LSM6: variants seen among roughly 807,000 people sequenced by gnomAD.
LSM6 encodes the protein U6 snRNA-associated Sm-like protein LSm6.
In LSM6, 2 loss-of-function variants were observed where a neutral mutation model predicts 13.5. That is an observed-to-expected ratio of 0.15 (90% CI 0.06 to 0.47). The LOEUF is 0.47. Ranked by LOEUF, LSM6 falls within the 20% of genes least tolerant of loss-of-function variation. The pLI is 0.97. For synonymous variants in LSM6, 43 were observed against 34.9 expected (o/e 1.23, Z -0.82); for missense variants, 58 against 96.4 (o/e 0.60, Z 1.67).
At chr4:146,179,552 G>C (rs1048198045) in intron 1 of LSM6, among the ~76,000 whole-genome samples, 3 of 152,158 alleles carry the variant, frequency 2.0e-5, no homozygotes, top group Admixed American at 6.5e-5. Flanking sequence ...AATAACCTTA[G>C]AAGTATTTTT....
At chr4:146,184,229 T>G (rs1730297230) in intron 2 of LSM6, among the ~76,000 whole-genome samples, 1 of 152,170 alleles carries the variant, frequency 6.6e-6, no homozygotes. Flanking sequence ...CTCTTAATAC[T>G]CTCCTATTGC....
At chr4:146,179,155 G>A (rs914042378) in intron 1 of LSM6, among the ~76,000 whole-genome samples, 4 of 152,172 alleles carry the variant, frequency 2.6e-5, no homozygotes, top group African/African-American at 9.7e-5. Flanking sequence ...ACAAGCCTGA[G>A]TAGGAGTCAG....
At chr4:146,179,485 G>A (rs1328779252) in intron 1 of LSM6, among the ~76,000 whole-genome samples, 1 of 152,114 alleles carries the variant, frequency 6.6e-6, no homozygotes, top group Non-Finnish European at 1.5e-5. Context: ...TAAAAGATAC[G>A]GCTTTCCTAA....
chr4:146,180,953 A>G (rs1279273134), intron 1 of LSM6: 1 of 152,206 alleles, frequency 6.6e-6, no homozygotes, highest in Non-Finnish European at 1.5e-5. Context: ...AATCTGTTAC[A>G]GTATTTATTT....
intron 1 of LSM6, among the ~76,000 whole-genome samples, chr4:146,177,168 A>T (rs1383850851): frequency 1.3e-5 from 2 of 152,178 alleles, no homozygotes; most frequent in Non-Finnish European, 2.9e-5. Context: ...AAGTGAAATT[A>T]TGAGTTATCC....
intron 1 of LSM6, among the ~76,000 whole-genome samples, chr4:146,179,782 A>G (rs1730191536): frequency 1.3e-5 from 2 of 152,258 alleles, no homozygotes; most frequent in African/African-American, 4.8e-5. Flanking sequence ...TATGGAAAGT[A>G]GAGAGTGGAA....
chr4:146,187,380 A>C lies in LSM6; in HGVS notation c.201A>C (p.Gly67=). ...AGTATGGGGATGCATTTATCCGAGGAAACAATGGTAACATTTCTTCGCCCT... is the reference window on the plus strand; with the variant it reads ...AGTATGGGGATGCATTTATCCGAGGCAACAATGGTAACATTTCTTCGCCCT... ...KNKYGDAFIR[G]NNVLYISTQK... Residue 67 remains glycine (G), a synonymous_variant, in exon 3 of 4, where the codon GGA becomes GGC. Transcript: ENST00000296581. 6.3e-7 allele frequency: 1 copy of C among 1,590,860 alleles called. No individual in the cohort carries two copies. Among genetic ancestry groups the C allele is most frequent in the Non-Finnish European group, 8.6e-7 (1 of 1,158,806 alleles).
At chr4:146,186,560 A>G (rs1290934650) in intron 2 of LSM6, among the ~76,000 whole-genome samples, 1 of 152,228 alleles carries the variant, frequency 6.6e-6, no homozygotes, top group Non-Finnish European at 1.5e-5. Context: ...AGATTGACTC[A>G]AACTGTTTCC....
chr4:146,184,684 G>A (rs1003619648), intron 2 of LSM6, among the ~76,000 whole-genome samples: 1 of 152,068 alleles, frequency 6.6e-6, no homozygotes, highest in African/African-American at 2.4e-5. Context: ...TGTCTTCTCA[G>A]TACCCACTTT....
intron 1 of LSM6, among the ~76,000 whole-genome samples, chr4:146,181,514 A>G (rs934004514): frequency 6.6e-6 from 1 of 152,228 alleles, no homozygotes; most frequent in African/African-American, 2.4e-5. Context: ...TGAATTCACT[A>G]TGAGAACGTC....
intron 1 of LSM6, chr4:146,180,725 A>G (rs560659438): frequency 2.0e-5 from 3 of 152,342 alleles, no homozygotes; most frequent in Admixed American, 2.0e-4. Context: ...AGCTACTTTT[A>G]TCTCAGTTTT....
intron 3 of LSM6, among the ~76,000 whole-genome samples, chr4:146,188,354 C>T (rs1730392729): frequency 6.6e-6 from 1 of 151,830 alleles, no homozygotes; most frequent in Non-Finnish European, 1.5e-5. Flanking sequence ...GGGTTCTGTG[C>T]GTGTTGATAG....
chr4:146,182,159 TTC>T (rs1560711515), intron 1 of LSM6, among the ~76,000 whole-genome samples: 3 of 133,308 alleles, frequency 2.3e-5, no homozygotes, highest in African/African-American at 1.0e-4. Context: ...TTTCTGTGTC[TTC>T]TTCTTCATGT....
At chr4:146,184,771 A>G (rs1188036908) in intron 2 of LSM6, among the ~76,000 whole-genome samples, 2 of 152,164 alleles carry the variant, frequency 1.3e-5, no homozygotes, top group African/African-American at 4.8e-5. Context: ...AAGGCAATAC[A>G]TGTTTTAGTT....
intron 1 of LSM6, among the ~76,000 whole-genome samples, chr4:146,176,909 A>G (rs1425759774): frequency 6.6e-6 from 1 of 152,184 alleles, no homozygotes; most frequent in African/African-American, 2.4e-5. Context: ...GTCATCTGAA[A>G]GGTCTGTTTT....
Position 146,182,946 on chromosome 4 carries a change from A to G in LSM6, c.25A>G (p.Ser9Gly). Residue 9 changes from serine to glycine, a missense_variant, in exon 2 of 4, where the codon AGT (serine) becomes GGT (glycine). Ser to Gly is a moderately conservative substitution (Grantham distance 56). Coordinates refer to ENST00000296581, the MANE Select transcript of LSM6 (RefSeq NM_007080.3). MSLRKQTP[S>G]DFLKQIIGRP... is the part of the protein sequence containing the mutation. ...AATGAGTCTTCGGAAGCAAACCCCT[A>G]GTGACTTCTTAAAGCAAATCATCGG... 3 of 1,612,862 alleles carry G rather than the reference A, an allele frequency of 1.9e-6. No homozygotes were observed. Among genetic ancestry groups the G allele is most frequent in the Non-Finnish European group, 2.5e-6 (3 of 1,178,904 alleles).
chr4:146,183,840 C>A (rs868540968), intron 2 of LSM6, among the ~76,000 whole-genome samples: 2 of 148,900 alleles, frequency 1.3e-5, no homozygotes, highest in Non-Finnish European at 1.5e-5. Flanking sequence ...TTGGTGCACC[C>A]GTCACCTGAG....
At chr4:146,184,301 T>C (rs1730298611) in intron 2 of LSM6, among the ~76,000 whole-genome samples, 1 of 152,136 alleles carries the variant, frequency 6.6e-6, no homozygotes, top group East Asian at 1.9e-4. Context: ...GTGGCCTTTT[T>C]TTGGTCTCTT....
intron 1 of LSM6, chr4:146,176,354 C>T (rs1421310964): frequency 1.3e-5 from 2 of 152,244 alleles, no homozygotes; most frequent in African/African-American, 2.4e-5. Flanking sequence ...GTCGAGGAAC[C>T]CGATTGTATG....
Sources: allele counts gnomAD v4.1 joint callset (sites outside exome capture counted in the v4.1 genomes callset), GRCh38; gene constraint gnomAD v4.1.1; transcripts MANE v1.5; gene names NCBI Gene and HGNC (gene_info 2026-07-23, HGNC 2026-07-21).